The following LONRF1 variants were observed in gnomAD, a reference collection of about 807,000 sequenced individuals.
LONRF1 encodes LON peptidase N-terminal domain and ring finger 1, also known as LON peptidase N-terminal domain and RING finger protein 1.
A neutral mutation model predicts 85.8 loss-of-function variants in LONRF1; 37 were observed. The ratio of observed to expected loss-of-function variants is 0.43; its 90% CI spans 0.33 to 0.57. The LOEUF (loss-of-function observed/expected upper bound fraction) is 0.57. Ranked by LOEUF, LONRF1 falls within the 20% of genes least tolerant of loss-of-function variation. The pLI, the probability that LONRF1 is intolerant of heterozygous loss-of-function variation, is 0.04. For synonymous variants in LONRF1, 517 were observed against 390.1 expected, an observed-to-expected ratio of 1.33 and a Z score of -3.83; for missense variants, 1,036 against 978.0, an observed-to-expected ratio of 1.06 and a Z score of -0.79.
rs373676932 is a variant in LONRF1 at position 12,724,102 on chromosome 8, T to C, written c.2164-848A>G. Among the ~76,000 whole-genome samples, 43 of 152,316 alleles carry C rather than the reference T, an allele frequency of 2.8e-4. No homozygotes were observed. In the Middle Eastern group the frequency reaches 0.02, roughly 72 times the overall value. On this transcript the variant is annotated intron_variant, in intron 11 of 11. Coordinates refer to ENST00000398246, the MANE Select transcript of LONRF1 (RefSeq NM_152271.5). Reference sequence around the variant, plus strand: ...GAATCAGATTCGGTTTCTATATTTGTGTATTGTCCGCTGTCAACTAAGCAT... The same window carrying C: ...GAATCAGATTCGGTTTCTATATTTGCGTATTGTCCGCTGTCAACTAAGCAT...
At chr8:12,737,306 G>A (rs1222655480) in intron 4 of LONRF1, 166 bp from the exon 5 acceptor site, 11 of 898,814 alleles carry the variant, frequency 1.2e-5, no homozygotes, top group East Asian at 7.9e-5. Context: ...AATGATTTTT[G>A]CCAGCACAGT....
Position 12,722,297 on chromosome 8 carries a change from C to A in LONRF1, c.*799G>T, listed in dbSNP as rs1805920887. Reference sequence around the variant, plus strand: ...AATGTGAAAAGCCCCCTAAAATGTACAAACTAACTGGTACTGAATTGAGTT... The same window carrying A: ...AATGTGAAAAGCCCCCTAAAATGTAAAAACTAACTGGTACTGAATTGAGTT... On this transcript the variant is annotated 3_prime_UTR_variant, in exon 12 of 12. Transcript: ENST00000398246. 6.6e-6 allele frequency: 1 copy of A among 152,538 alleles called. No homozygotes were observed. The highest frequency in any genetic ancestry group is 2.4e-5 in the African/African-American group (1 of 41,422). 9.4% of individuals were successfully genotyped at this position (152,538 alleles called of 1,614,324 possible). A position where few individuals can be genotyped will look rare whatever the true frequency, so the allele number is the denominator to read the frequency against.
At chr8:12,736,445 G>A (rs946448259) in intron 6 of LONRF1, among the ~76,000 whole-genome samples, 3 of 152,080 alleles carry the variant, frequency 2.0e-5, no homozygotes, top group African/African-American at 7.2e-5. Flanking sequence ...TTATACTGAA[G>A]CCATGTGATT....
Position 12,723,267 on chromosome 8 carries a change from G to T in LONRF1, c.2164-13C>A, listed in dbSNP as rs1189278435. 1 of 1,600,106 alleles carries T rather than the reference G, an allele frequency of 6.2e-7. No individual in the cohort carries two copies. Among genetic ancestry groups the T allele is most frequent in the African/African-American group, 1.4e-5 (1 of 73,990 alleles). ...CATTAGGGGCTGCCTAAAAACAATG[G>T]ACAGTTTATAGCATTAATAAAACAA... On this transcript the variant is annotated splice_polypyrimidine_tract_variant and intron_variant, in intron 11 of 11. Coordinates refer to ENST00000398246, the MANE Select transcript of LONRF1 (RefSeq NM_152271.5).
intron 2 of LONRF1, among the ~76,000 whole-genome samples, chr8:12,741,204 T>C (rs1161804359): frequency 6.6e-6 from 1 of 152,008 alleles, no homozygotes; most frequent in African/African-American, 2.4e-5. Flanking sequence ...GTCAACATGG[T>C]GAAACCCTGC....
chr8:12,745,591 G>A (rs1799118786), intron 1 of LONRF1, among the ~76,000 whole-genome samples: 1 of 152,148 alleles, frequency 6.6e-6, no homozygotes, highest in Admixed American at 6.5e-5. Context: ...GTGACCTTGA[G>A]GACACTACAG....
intron 8 of LONRF1, among the ~76,000 whole-genome samples, chr8:12,729,596 A>T (rs1218837986): frequency 3.3e-5 from 5 of 152,206 alleles, no homozygotes; most frequent in Admixed American, 3.3e-4. Flanking sequence ...ACACCAGATT[A>T]TCTTACAGAG....
At chr8:12,733,910 T>C (rs1245499723) in intron 7 of LONRF1, among the ~76,000 whole-genome samples, 1 of 152,198 alleles carries the variant, frequency 6.6e-6, no homozygotes, top group African/African-American at 2.4e-5. Context: ...GGAAACAGGA[T>C]ATTGCTAAAT....
At chr8:12,726,948 G>A (rs1287387500) in intron 10 of LONRF1, among the ~76,000 whole-genome samples, 2 of 151,918 alleles carry the variant, frequency 1.3e-5, no homozygotes, top group African/African-American at 4.8e-5. Context: ...ACTCAAAGAT[G>A]GTTAAAATGG....
chr8:12,746,001 A>G (rs1799137727), intron 1 of LONRF1, among the ~76,000 whole-genome samples: 1 of 152,184 alleles, frequency 6.6e-6, no homozygotes, highest in Admixed American at 6.6e-5. Flanking sequence ...TTCTAAACTC[A>G]GCATTCTTCA....
At chr8:12,740,797 C>A (rs1798903023) in intron 3 of LONRF1, 77 bp downstream of exon 3, 4 of 1,532,048 alleles carry the variant, frequency 2.6e-6, no homozygotes, top group South Asian at 1.2e-5. Context: ...CTTATTCCAA[C>A]TTTTATTAGC....
At chr8:12,743,469 T>C (rs890061668) in intron 1 of LONRF1, among the ~76,000 whole-genome samples, 187 bp from the exon 2 acceptor site, 1 of 152,198 alleles carries the variant, frequency 6.6e-6, no homozygotes, top group African/African-American at 2.4e-5. Context: ...ATCTAGAAGT[T>C]GTATCAAATC....
intron 10 of LONRF1, 21 bp from the exon 11 acceptor site, chr8:12,725,900 A>G: frequency 6.3e-7 from 1 of 1,595,864 alleles, no homozygotes; most frequent in East Asian, 2.2e-5. Flanking sequence ...AATAGTCAGT[A>G]AGACTTCTGT....
chr8:12,746,627 C>T (rs1027413241), intron 1 of LONRF1, among the ~76,000 whole-genome samples: 3 of 152,064 alleles, frequency 2.0e-5, no homozygotes, highest in South Asian at 2.1e-4. Context: ...TTTAATATTC[C>T]GGGGCTTTTA....
chr8:12,742,831 C>T (rs1458294236), intron 2 of LONRF1, among the ~76,000 whole-genome samples: 1 of 152,018 alleles, frequency 6.6e-6, no homozygotes, highest in African/African-American at 2.4e-5. Flanking sequence ...GCTCCAGTGA[C>T]CTTCCCACTT....
At chr8:12,751,294 A>ATGTTTTTTTTTTTTT (rs1554469326) in intron 1 of LONRF1, among the ~76,000 whole-genome samples, 14,647 of 82,436 alleles carry the variant, frequency 0.18, 1,717 homozygotes, top group Non-Finnish European at 0.19. Flanking sequence ...TTTTATTTTT[A>ATGTTTTTTTTTTTTT]TGTTTTTTTT....
chr8:12,744,478 A>G (rs1211176414), intron 1 of LONRF1, among the ~76,000 whole-genome samples: 1 of 152,216 alleles, frequency 6.6e-6, no homozygotes, highest in Non-Finnish European at 1.5e-5. Flanking sequence ...CAAAATGCAT[A>G]AGAATTAAAA....
chr8:12,744,965 C>A (rs1420608578), intron 1 of LONRF1, among the ~76,000 whole-genome samples: 1 of 152,014 alleles, frequency 6.6e-6, no homozygotes, highest in African/African-American at 2.4e-5. Context: ...TGAATATTTC[C>A]CCTTTTATCC....
chr8:12,723,340 T>C, intron 11 of LONRF1, 86 bp from the exon 12 acceptor site: 2 of 1,290,016 alleles, frequency 1.6e-6, no homozygotes, highest in Non-Finnish European at 2.2e-6. Flanking sequence ...TACTATTTAT[T>C]GAGCACTTGT....
Sources: allele counts gnomAD v4.1 joint callset (sites outside exome capture counted in the v4.1 genomes callset), GRCh38; gene constraint gnomAD v4.1.1; transcripts MANE v1.5; gene names NCBI Gene and HGNC (gene_info 2026-07-23, HGNC 2026-07-21).